PRLR: variants seen among roughly 807,000 people sequenced by gnomAD.
PRLR encodes prolactin receptor.
PRLR carries 13 observed loss-of-function variants against 40.2 expected under a neutral mutation model. The ratio of observed to expected loss-of-function variants is 0.32; its 90% CI spans 0.21 to 0.51. The LOEUF is 0.51. Ranked by LOEUF, PRLR falls within the 20% of genes least tolerant of loss-of-function variation. The pLI is 0.97. For synonymous variants in PRLR, 269 were observed against 278.7 expected, an observed-to-expected ratio of 0.97 and a Z score of 0.35; for missense variants, 656 against 747.3, an observed-to-expected ratio of 0.88 and a Z score of 1.42.
intron 5 of PRLR, among the ~76,000 whole-genome samples, chr5:35,080,072 A>C (rs1370615359): frequency 4.6e-5 from 7 of 152,230 alleles, no homozygotes; most frequent in African/African-American, 1.7e-4. Flanking sequence ...TTAGACCTAA[A>C]ACCATAAAAA....
chr5:35,137,536 C>T (rs539452672), intron 1 of PRLR, among the ~76,000 whole-genome samples: 1 of 152,338 alleles, frequency 6.6e-6, no homozygotes, highest in East Asian at 1.9e-4. Context: ...CTTACAAATT[C>T]TGTCTTCCCA....
At chr5:35,144,379 G>A (rs1228849583) in intron 1 of PRLR, among the ~76,000 whole-genome samples, 1 of 152,122 alleles carries the variant, frequency 6.6e-6, no homozygotes, top group East Asian at 1.9e-4. Context: ...TAATTTATGT[G>A]TTGTATGGGC....
intron 1 of PRLR, among the ~76,000 whole-genome samples, chr5:35,216,986 G>A (rs1355442639): frequency 2.0e-5 from 3 of 152,166 alleles, no homozygotes; most frequent in African/African-American, 7.2e-5. Context: ...AGTGTAGTAA[G>A]TACATTCTAG....
intron 2 of PRLR, among the ~76,000 whole-genome samples, chr5:35,091,134 C>T (rs1386972048): frequency 6.6e-6 from 1 of 152,066 alleles, no homozygotes; most frequent in Non-Finnish European, 1.5e-5. Flanking sequence ...CATAATGAGG[C>T]TCCAGCTTCA....
intron 2 of PRLR, among the ~76,000 whole-genome samples, chr5:35,109,819 A>C (rs908075173): frequency 2.0e-5 from 3 of 152,200 alleles, no homozygotes; most frequent in Non-Finnish European, 4.4e-5. Context: ...CGATTCCTCA[A>C]GGATCTAGAA....
chr5:35,186,191 C>A (rs1338449215), intron 1 of PRLR, among the ~76,000 whole-genome samples: 1 of 152,106 alleles, frequency 6.6e-6, no homozygotes, highest in Non-Finnish European at 1.5e-5. Flanking sequence ...TATATTATCA[C>A]ACATTGAAAG....
chr5:35,126,556 C>T (rs1425461583), intron 1 of PRLR, among the ~76,000 whole-genome samples: 1 of 152,110 alleles, frequency 6.6e-6, no homozygotes, highest in Admixed American at 6.6e-5. Context: ...TACATATAGG[C>T]AGCATGGTTC....
chr5:35,127,753 G>A (rs59549906), intron 1 of PRLR, among the ~76,000 whole-genome samples: 7,699 of 152,230 alleles, frequency 0.051, 236 homozygotes, highest in African/African-American at 0.078. Context: ...AGCCAGGCAC[G>A]AAAGACCCCA....
At chr5:35,189,442 G>A (rs745644217) in intron 1 of PRLR, among the ~76,000 whole-genome samples, 19 of 152,024 alleles carry the variant, frequency 1.2e-4, no homozygotes, top group African/African-American at 4.3e-4. Context: ...TTAACCAGGC[G>A]CCATGGTGCA....
chr5:35,111,172 A>G (rs1772640992), intron 2 of PRLR, among the ~76,000 whole-genome samples: 1 of 152,184 alleles, frequency 6.6e-6, no homozygotes, highest in African/African-American at 2.4e-5. Flanking sequence ...TGCTCTAAAG[A>G]GCTGTTAATC....
intron 1 of PRLR, among the ~76,000 whole-genome samples, chr5:35,194,595 G>A (rs543876340): frequency 3.9e-5 from 6 of 152,298 alleles, no homozygotes; most frequent in Non-Finnish European, 7.3e-5. Flanking sequence ...GTGCTAAAAC[G>A]GAGAGAAGCT....
chr5:35,141,076 T>C, intron 1 of PRLR, among the ~76,000 whole-genome samples: 1 of 152,160 alleles, frequency 6.6e-6, no homozygotes, highest in East Asian at 1.9e-4. Flanking sequence ...TTTGCTATCT[T>C]TCTTCTTGCC....
At chr5:35,103,927 A>G (rs963414020) in intron 2 of PRLR, among the ~76,000 whole-genome samples, 1 of 152,196 alleles carries the variant, frequency 6.6e-6, no homozygotes, top group African/African-American at 2.4e-5. Flanking sequence ...TGATTGCCTA[A>G]AAGATCCTAT....
At chr5:35,211,237 A>C (rs1172738468) in intron 1 of PRLR, among the ~76,000 whole-genome samples, 1 of 151,998 alleles carries the variant, frequency 6.6e-6, no homozygotes, top group African/African-American at 2.4e-5. Flanking sequence ...GCACTTTCTC[A>C]ATTTCTCCCC....
chr5:35,220,292 C>G (rs575686421), intron 1 of PRLR, among the ~76,000 whole-genome samples: 20 of 152,312 alleles, frequency 1.3e-4, no homozygotes, highest in African/African-American at 4.6e-4. Context: ...TCGGGTCCAG[C>G]CACAATGGTC....
Position 35,089,561 on chromosome 5 carries a change from G to A in PRLR, c.60C>T (p.Cys20=), listed in dbSNP as rs749600444. 2.7e-5 allele frequency: 44 copies of A among 1,609,880 alleles called. No homozygotes were observed. The highest frequency in any genetic ancestry group is 1.8e-4 in the Admixed American group (11 of 59,940). ...TAGCCTCTTACTTACCATTCAGAAGGCAGGTGTTGAGAAAAAGTAGCAGAG... is the reference window on the plus strand; with the variant it reads ...TAGCCTCTTACTTACCATTCAGAAGACAGGTGTTGAGAAAAAGTAGCAGAG... The part of the protein sequence containing the change: ...VFTLLLFLNT[C]LLNGQLPPGK... Residue 20 remains cysteine, a synonymous_variant, in exon 3 of 10, where the codon TGC becomes TGT. Transcript: ENST00000618457.
chr5:35,200,699 A>G (rs1031697614), intron 1 of PRLR, among the ~76,000 whole-genome samples: 1 of 152,126 alleles, frequency 6.6e-6, no homozygotes, highest in Non-Finnish European at 1.5e-5. Context: ...AACACTAAGA[A>G]TGGTACCATG....
At chr5:35,118,726 T>C (rs1432694554) in intron 1 of PRLR, among the ~76,000 whole-genome samples, 3 of 151,918 alleles carry the variant, frequency 2.0e-5, no homozygotes, top group African/African-American at 7.3e-5. Flanking sequence ...ATAAGAACTT[T>C]CAGACTCTGG....
intron 1 of PRLR, among the ~76,000 whole-genome samples, chr5:35,136,120 T>TA (rs1187820699): frequency 1.1e-4 from 16 of 152,116 alleles, no homozygotes; most frequent in African/African-American, 3.9e-4. Context: ...GAACATAGAA[T>TA]ACAACCTTTG....
Sources: allele counts gnomAD v4.1 joint callset (sites outside exome capture counted in the v4.1 genomes callset), GRCh38; gene constraint gnomAD v4.1.1; transcripts MANE v1.5; gene names NCBI Gene and HGNC (gene_info 2026-07-23, HGNC 2026-07-21).